QTMAN: variants seen among roughly 807,000 people sequenced by gnomAD.
QTMAN encodes the protein tRNA-queuosine alpha-mannosyltransferase.
At chr2:143,962,556 A>G in the QTMAN span, among the ~76,000 whole-genome samples, 2 of 152,164 alleles carry the variant, frequency 1.3e-5, no homozygotes, top group African/African-American at 2.4e-5. Flanking sequence ...AAGAACACTG[A>G]TAATAGCAAG....
the QTMAN span, among the ~76,000 whole-genome samples, chr2:144,001,313 G>C: frequency 2.6e-5 from 4 of 151,846 alleles, no homozygotes; most frequent in African/African-American, 9.7e-5. Context: ...AGATGTCAAA[G>C]TCGTTCAATC....
the QTMAN span, among the ~76,000 whole-genome samples, chr2:144,063,949 C>T: frequency 2.0e-5 from 3 of 152,122 alleles, no homozygotes; most frequent in Non-Finnish European, 4.4e-5. Context: ...ATAATTAAAA[C>T]GTTTCTGAGT....
At chr2:144,272,509 C>A in the QTMAN span, among the ~76,000 whole-genome samples, 1 of 152,080 alleles carries the variant, frequency 6.6e-6, no homozygotes, top group Non-Finnish European at 1.5e-5. Context: ...CCAAAAAAGA[C>A]AGACCAGCAC....
chr2:144,118,146 C>T, the QTMAN span, among the ~76,000 whole-genome samples: 6 of 152,170 alleles, frequency 3.9e-5, no homozygotes, highest in Admixed American at 3.3e-4. Flanking sequence ...GTGCAGTACA[C>T]TAACATTTTT....
chr2:144,137,434 C>T, the QTMAN span, among the ~76,000 whole-genome samples: 1 of 151,952 alleles, frequency 6.6e-6, no homozygotes, highest in Non-Finnish European at 1.5e-5. Flanking sequence ...TCTCTCCTCC[C>T]CTGTTGTCAA....
the QTMAN span, among the ~76,000 whole-genome samples, chr2:144,239,922 G>C: frequency 6.6e-6 from 1 of 152,144 alleles, no homozygotes; most frequent in African/African-American, 2.4e-5. Flanking sequence ...TTAGATCTCT[G>C]TAAACCTAAA....
chr2:144,240,607 T>C, the QTMAN span, among the ~76,000 whole-genome samples: 3 of 152,262 alleles, frequency 2.0e-5, no homozygotes, highest in Non-Finnish European at 4.4e-5. Context: ...ATTTACTTTA[T>C]ACTTCAAGTC....
chr2:144,053,636 T>A, the QTMAN span, among the ~76,000 whole-genome samples: 1 of 152,186 alleles, frequency 6.6e-6, no homozygotes, highest in Non-Finnish European at 1.5e-5. Context: ...TCAGAATAAA[T>A]CATTTGTGGT....
the QTMAN span, among the ~76,000 whole-genome samples, chr2:143,995,142 A>T: frequency 6.6e-6 from 1 of 152,258 alleles, no homozygotes; most frequent in South Asian, 2.1e-4. Context: ...ACTAACAATC[A>T]TAAAAATGTG....
chr2:144,196,730 G>A, the QTMAN span, among the ~76,000 whole-genome samples: 1 of 152,158 alleles, frequency 6.6e-6, no homozygotes, highest in Non-Finnish European at 1.5e-5. Flanking sequence ...ATGTATGCCT[G>A]CTATTCCAGA....
the QTMAN span, among the ~76,000 whole-genome samples, chr2:144,027,576 G>A: frequency 2.6e-5 from 4 of 152,178 alleles, no homozygotes; most frequent in Non-Finnish European, 5.9e-5. Context: ...GCTGCCTTCC[G>A]CAAACAAGCT....
the QTMAN span, among the ~76,000 whole-genome samples, chr2:144,219,259 T>C: frequency 6.6e-6 from 1 of 152,142 alleles, no homozygotes; most frequent in Non-Finnish European, 1.5e-5. Context: ...CCCTCCCAAG[T>C]AGCTGGGATT....
chr2:144,162,261 C>T, the QTMAN span, among the ~76,000 whole-genome samples: 5 of 152,054 alleles, frequency 3.3e-5, no homozygotes, highest in Non-Finnish European at 7.4e-5. Context: ...AACGAATATA[C>T]TTCAAAGGAA....
the QTMAN span, among the ~76,000 whole-genome samples, chr2:144,133,161 AAT>A: frequency 9.1e-3 from 615 of 67,856 alleles, 6 homozygotes; most frequent in Non-Finnish European, 0.012. Context: ...AATATAATAT[AAT>A]ATATATATAA....
chr2:144,195,001 C>A, the QTMAN span, among the ~76,000 whole-genome samples: 1 of 152,070 alleles, frequency 6.6e-6, no homozygotes, highest in African/African-American at 2.4e-5. Context: ...AAATATAAGG[C>A]ATATCAAAAG....
At chr2:143,974,001 T>A in the QTMAN span, among the ~76,000 whole-genome samples, 5 of 152,230 alleles carry the variant, frequency 3.3e-5, no homozygotes, top group African/African-American at 1.2e-4. Flanking sequence ...CCATTTAGCA[T>A]ACTATGTGAA....
chr2:144,078,986 T>A, the QTMAN span, among the ~76,000 whole-genome samples: 3 of 152,244 alleles, frequency 2.0e-5, no homozygotes, highest in Admixed American at 6.5e-5. Context: ...ATTCTTGATG[T>A]AACAGTGCAA....
the QTMAN span, among the ~76,000 whole-genome samples, chr2:144,157,779 A>T: frequency 6.6e-6 from 1 of 151,404 alleles, no homozygotes. Context: ...TGTATAACAC[A>T]TATATAACTA....
At chr2:144,218,757 T>C in the QTMAN span, among the ~76,000 whole-genome samples, 1,341 of 152,150 alleles carry the variant, frequency 8.8e-3, 14 homozygotes, top group African/African-American at 0.03. Flanking sequence ...TGAAGTACAG[T>C]AACACAAGCA....
Sources: gnomAD v4.1 joint callset for allele counts (sites outside exome capture counted in the v4.1 genomes callset) on GRCh38, gnomAD v4.1.1 for gene constraint, MANE v1.5 for transcripts, NCBI Gene and HGNC (gene_info 2026-07-23, HGNC 2026-07-21) for gene names.